Variants in C1QTNF3 observed in about 807,000 individuals in gnomAD.
C1QTNF3 encodes C1q and TNF related 3.
A neutral mutation model predicts 32.6 loss-of-function variants in C1QTNF3; 26 were observed. The observed-to-expected ratio is 0.80, with a 90% CI of 0.58 to 1.11. C1QTNF3 has a LOEUF of 1.11. C1QTNF3 is among the 50% of genes least tolerant of loss of function. C1QTNF3 has a pLI of 0.00. For missense variants in C1QTNF3, 362 were observed against 398.2 expected (o/e 0.91, Z 0.77); for synonymous variants, 155 against 146.0 (o/e 1.06, Z -0.44).
the C1QTNF3 span, among the ~76,000 whole-genome samples, chr5:34,096,193 A>G: frequency 6.6e-6 from 1 of 151,482 alleles, no homozygotes; most frequent in Non-Finnish European, 1.5e-5. Flanking sequence ...AAGGCTACAG[A>G]TGCAAGAAAT....
chr5:34,123,225 C>T, the C1QTNF3 span, among the ~76,000 whole-genome samples: 1 of 152,114 alleles, frequency 6.6e-6, no homozygotes, highest in Non-Finnish European at 1.5e-5. Flanking sequence ...GCCATGGGGG[C>T]AAGGCTGCCT....
chr5:34,081,087 T>C, the C1QTNF3 span, among the ~76,000 whole-genome samples: 3 of 151,762 alleles, frequency 2.0e-5, no homozygotes, highest in African/African-American at 4.9e-5. Flanking sequence ...AAACTCTCTA[T>C]GCTACAGTCT....
chr5:34,098,447 T>C, the C1QTNF3 span, among the ~76,000 whole-genome samples: 3 of 152,176 alleles, frequency 2.0e-5, no homozygotes, highest in Admixed American at 6.6e-5. Context: ...TAAGGAATGA[T>C]AGACAGAACT....
the C1QTNF3 span, among the ~76,000 whole-genome samples, chr5:34,208,399 G>A: frequency 6.6e-6 from 1 of 152,060 alleles, no homozygotes; most frequent in East Asian, 1.9e-4. Flanking sequence ...GTTTCTCAAA[G>A]TCATTGTGGG....
chr5:34,044,210 G>A (rs1485641663), upstream of C1QTNF3, among the ~76,000 whole-genome samples: 1 of 152,164 alleles, frequency 6.6e-6, no homozygotes, highest in Admixed American at 6.5e-5. Flanking sequence ...CAGCCAAAAA[G>A]AAAATGGACA....
the C1QTNF3 span, among the ~76,000 whole-genome samples, chr5:34,212,478 T>C: frequency 4.6e-5 from 7 of 151,808 alleles, no homozygotes; most frequent in Admixed American, 4.6e-4. Context: ...ACCTACAGAA[T>C]GGGAGAAAAT....
chr5:34,107,949 C>CGTA, the C1QTNF3 span, among the ~76,000 whole-genome samples: 2 of 151,824 alleles, frequency 1.3e-5, no homozygotes, highest in African/African-American at 2.4e-5. Flanking sequence ...GTCTACACTC[C>CGTA]TACTAAGATT....
the C1QTNF3 span, among the ~76,000 whole-genome samples, chr5:34,128,620 T>G: frequency 6.6e-6 from 1 of 151,978 alleles, no homozygotes; most frequent in Non-Finnish European, 1.5e-5. Context: ...AGACATGGAG[T>G]CAAAGGAGAT....
At position 34,020,337 on chromosome 5, in the gene C1QTNF3, A is replaced by C; in HGVS notation, c.*246T>G. ...AGAGGAGAATTATCTTTTAGGTGCC[A>C]AGGAAAGAGTGATAAAGATGCTGAG... On this transcript the variant is annotated 3_prime_UTR_variant, in exon 6 of 6. Coordinates refer to ENST00000382065, the MANE Select transcript of C1QTNF3 (RefSeq NM_181435.6). The C allele has an allele frequency of 2.6e-6, 1 of 383,134 alleles. No homozygotes were observed. The highest frequency in any genetic ancestry group is 4.7e-6 in the Non-Finnish European group (1 of 215,018). 23.7% of individuals were successfully genotyped at this position (383,134 alleles called of 1,614,324 possible).
the C1QTNF3 span, among the ~76,000 whole-genome samples, chr5:34,069,261 T>C: frequency 9.0e-3 from 1,330 of 147,352 alleles, 14 homozygotes; most frequent in South Asian, 0.054. Context: ...GTATCTAAAG[T>C]TGTGTATTTT....
At chr5:34,221,321 T>A in the C1QTNF3 span, among the ~76,000 whole-genome samples, 2 of 152,052 alleles carry the variant, frequency 1.3e-5, no homozygotes, top group Non-Finnish European at 2.9e-5. Flanking sequence ...GTCATGCAAA[T>A]ACATACGGCT....
At chr5:34,120,611 T>C in the C1QTNF3 span, among the ~76,000 whole-genome samples, 5 of 152,070 alleles carry the variant, frequency 3.3e-5, no homozygotes, top group Admixed American at 6.6e-5. Context: ...TAGGGGTGGG[T>C]CTTTCCCATG....
the C1QTNF3 span, among the ~76,000 whole-genome samples, chr5:34,068,965 A>C: frequency 6.6e-6 from 1 of 151,396 alleles, no homozygotes; most frequent in South Asian, 2.1e-4. Context: ...TCCCCTGCAA[A>C]TGTACTTGCC....
chr5:34,079,476 A>G, the C1QTNF3 span, among the ~76,000 whole-genome samples: 1 of 151,616 alleles, frequency 6.6e-6, no homozygotes, highest in South Asian at 2.1e-4. Context: ...TCTTCCTAAT[A>G]TTTATTATCT....
At chr5:34,066,727 G>A in the C1QTNF3 span, among the ~76,000 whole-genome samples, 1 of 152,170 alleles carries the variant, frequency 6.6e-6, no homozygotes, top group Non-Finnish European at 1.5e-5. Context: ...TGTGATGGGA[G>A]GTTCTGCCAT....
the C1QTNF3 span, among the ~76,000 whole-genome samples, chr5:34,075,918 C>T: frequency 5.2e-4 from 78 of 149,966 alleles, 1 homozygote; most frequent in Non-Finnish European, 9.0e-4. Context: ...CACACACACA[C>T]GGTGGAATAT....
chr5:34,073,054 G>A, the C1QTNF3 span, among the ~76,000 whole-genome samples: 7 of 152,138 alleles, frequency 4.6e-5, no homozygotes, highest in African/African-American at 1.2e-4. Context: ...GTGGCCGGGC[G>A]CGGTGACTCA....
chr5:34,021,300 C>G (rs1754322040), intron 5 of C1QTNF3, among the ~76,000 whole-genome samples: 1 of 152,122 alleles, frequency 6.6e-6, no homozygotes, highest in Admixed American at 6.5e-5. Flanking sequence ...TTACACTGTG[C>G]AAAAACATTT....
At chr5:34,177,599 G>C in the C1QTNF3 span, among the ~76,000 whole-genome samples, 1 of 145,946 alleles carries the variant, frequency 6.9e-6, no homozygotes, top group South Asian at 2.1e-4. Flanking sequence ...CGATTCTCCT[G>C]CTTTAGCCTC....
Sources: allele counts gnomAD v4.1 joint callset (sites outside exome capture counted in the v4.1 genomes callset), GRCh38; gene constraint gnomAD v4.1.1; transcripts MANE v1.5; gene names NCBI Gene and HGNC (gene_info 2026-07-23, HGNC 2026-07-21).